The following PPP2R1B variants were observed in gnomAD, a reference collection of about 807,000 sequenced individuals.
PPP2R1B encodes protein phosphatase 2 scaffold subunit Abeta.
In PPP2R1B, 58 loss-of-function variants were observed where a neutral mutation model predicts 72.7. That is an observed-to-expected ratio of 0.80 (90% CI 0.65 to 0.99). PPP2R1B has a LOEUF of 0.99. Among genes scored for constraint, PPP2R1B ranks in the 50% least tolerant of loss-of-function variants. The probability of loss-of-function intolerance (pLI) is 0.00; values close to 1 mark genes in which losing one functional copy is unlikely to be tolerated. For synonymous variants in PPP2R1B, 256 were observed against 264.6 expected, an observed-to-expected ratio of 0.97 and a Z score of 0.32; for missense variants, 695 against 733.6, an observed-to-expected ratio of 0.95 and a Z score of 0.61.
the PPP2R1B span, among the ~76,000 whole-genome samples, chr11:111,693,543 A>AAGTTGAGAATAAAAT: frequency 6.6e-6 from 1 of 152,218 alleles, no homozygotes; most frequent in Non-Finnish European, 1.5e-5. Context: ...TTCAGGCATT[A>AAGTTGAGAATAAAAT]AGTTGAGAAT....
chr11:111,756,720 T>C (rs1231639004), intron 5 of PPP2R1B, among the ~76,000 whole-genome samples: 1 of 152,088 alleles, frequency 6.6e-6, no homozygotes, highest in Non-Finnish European at 1.5e-5. Flanking sequence ...AACACAGAAA[T>C]TAGAAAAGTA....
chr11:111,711,341 T>C, the PPP2R1B span, among the ~76,000 whole-genome samples: 1 of 152,198 alleles, frequency 6.6e-6, no homozygotes, highest in Admixed American at 6.5e-5. Flanking sequence ...CAGGATGGTC[T>C]CGATCTCCTG....
Position 111,761,036 on chromosome 11 carries a change from G to C in PPP2R1B, c.322C>G (p.Leu108Val), listed in dbSNP as rs112080270. The change falls in exon 4 of 15, where the codon CTG becomes GTG. Residue 108 changes from leucine to valine, a missense_variant. Transcript: ENST00000527614. ...AHCLLPPLENLATVEETVVRD... is the reference protein window; with the variant it reads ...AHCLLPPLENVATVEETVVRD... The stretch of plus-strand genomic sequence containing the variant: ...ACAACAGTCTCTTCCACAGTTGCCA[G>C]ATTTTCCAAAGGAGGCTGAATGGAT... 7 of 1,614,048 alleles carry C rather than the reference G, an allele frequency of 4.3e-6. No homozygotes were observed. Among genetic ancestry groups the C allele is most frequent in the Non-Finnish European group, 5.9e-6 (7 of 1,179,996 alleles).
At chr11:111,711,100 G>A in the PPP2R1B span, among the ~76,000 whole-genome samples, 3 of 151,938 alleles carry the variant, frequency 2.0e-5, no homozygotes, top group Non-Finnish European at 4.4e-5. Context: ...ATTGTCATAA[G>A]GAAAAATTCT....
chr11:111,766,115 C>T (rs904875385), intron 1 of PPP2R1B, 133 bp downstream of exon 1: 2 of 813,386 alleles, frequency 2.5e-6, no homozygotes, highest in Admixed American at 4.4e-5. Flanking sequence ...CATTCCCCGC[C>T]TCCCCTTCAA....
At chr11:111,764,988 C>G (rs1945468723) in intron 2 of PPP2R1B, 83 bp from the exon 3 acceptor site, 1 of 1,551,802 alleles carries the variant, frequency 6.4e-7, no homozygotes, top group Non-Finnish European at 8.7e-7. Flanking sequence ...AACAGATTCA[C>G]TATGCGACCA....
Position 111,742,580 on chromosome 11 carries a change from T to C in PPP2R1B, c.1640A>G (p.Asn547Ser). 6.2e-7 allele frequency: 1 copy of C among 1,613,958 alleles called. No homozygotes were observed. ...VLKMAGDQVA[N>S]VRFNVAKSLQ... Reference sequence around the variant, plus strand: ...AGATTTGGCCACATTGAAGCGAACATTTGCTACTTGGTCTCCTGCCATTTT... The same window carrying C: ...AGATTTGGCCACATTGAAGCGAACACTTGCTACTTGGTCTCCTGCCATTTT... Residue 547 changes from asparagine to serine, a missense_variant, in exon 13 of 15, where the codon AAT becomes AGT. By Grantham distance (46) the Asn-to-Ser change is conservative (BLOSUM62 1). Transcript: ENST00000527614.
the PPP2R1B span, among the ~76,000 whole-genome samples, chr11:111,713,973 A>T: frequency 3.5e-4 from 54 of 152,364 alleles, no homozygotes; most frequent in East Asian, 9.6e-4. Context: ...TCTCAAAAAA[A>T]AAATAAATAA....
Position 111,743,548 on chromosome 11 carries a change from A to G in PPP2R1B, c.1400-18T>C. 6.3e-7 allele frequency: 1 copy of G among 1,592,450 alleles called. No individual in the cohort carries two copies. The highest frequency in any genetic ancestry group is 8.5e-7 in the Non-Finnish European group (1 of 1,173,526). On this transcript the variant is annotated intron_variant, in intron 11 of 14. Transcript: ENST00000527614. ...GGCGTATACTGCAGAAGAGGTCAAA[A>G]ACATGTTCTCATATCGCTTATTGTT...
At chr11:111,701,411 C>A in the PPP2R1B span, 1 of 1,594,636 alleles carries the variant, frequency 6.3e-7, no homozygotes, top group Non-Finnish European at 8.6e-7. This position sits in a 1 kb window ranked among gnomAD's most constrained non-coding sequence, Gnocchi z 4.2. Flanking sequence ...GAGTGTTTGA[C>A]GTTCTTGGTA....
Position 111,755,289 on chromosome 11 carries a change from C to T in PPP2R1B, c.843+6G>A. On this transcript the variant is annotated splice_donor_region_variant and intron_variant, in intron 6 of 14. Coordinates refer to ENST00000527614, the MANE Select transcript of PPP2R1B (RefSeq NM_002716.5). ...TTTCCTTAGTACTTAAAAATGATCA[C>T]TTTACCTCTGAAAATCTGTCAGCCA... 6.2e-7 allele frequency: 1 copy of T among 1,602,012 alleles called. No individual in the cohort carries two copies. Among genetic ancestry groups the T allele is most frequent in the Non-Finnish European group, 8.5e-7 (1 of 1,176,254 alleles).
rs1944460344 is a variant in PPP2R1B at position 111,739,833 on chromosome 11, A to G, written c.*1763T>C. 2.1e-6 allele frequency: 2 copies of G among 973,456 alleles called. No individual in the cohort carries two copies. Among genetic ancestry groups the G allele is most frequent in the African/African-American group, 3.5e-5 (2 of 56,966 alleles). 60.3% of individuals were successfully genotyped at this position (973,456 alleles called of 1,614,324 possible). A position where few individuals can be genotyped will look rare whatever the true frequency, so the allele number is the denominator to read the frequency against. On this transcript the variant is annotated 3_prime_UTR_variant, in exon 15 of 15. Coordinates refer to ENST00000527614, the MANE Select transcript of PPP2R1B (RefSeq NM_002716.5). ...AAGATATTAAAATGAGAATATAGAA[A>G]AAGATTTGTGCTTAGGAAAATACTT...
chr11:111,704,385 G>T, the PPP2R1B span, among the ~76,000 whole-genome samples: 6 of 152,212 alleles, frequency 3.9e-5, no homozygotes, highest in African/African-American at 1.2e-4. Context: ...GCAGGCTAGA[G>T]ATGTGAACAT....
chr11:111,726,957 C>G, exon 16 of PPP2R1B: 3 of 1,612,016 alleles, frequency 1.9e-6, no homozygotes, highest in African/African-American at 1.3e-5. Flanking sequence ...TTTTTTAAAT[C>G]TGGGGTATTA....
intron 8 of PPP2R1B, 88 bp from the exon 9 acceptor site, chr11:111,753,665 T>C (rs1489635961): frequency 9.9e-6 from 14 of 1,409,028 alleles, no homozygotes; most frequent in Non-Finnish European, 1.1e-5. Flanking sequence ...CTTGCTCTGT[T>C]GCCCAGGCTG....
the PPP2R1B span, among the ~76,000 whole-genome samples, chr11:111,705,572 G>C: frequency 1.3e-5 from 2 of 152,280 alleles, no homozygotes; most frequent in African/African-American, 4.8e-5. The surrounding 1 kb of genome is among the most constrained non-coding windows in gnomAD (Gnocchi z 4.3). Context: ...AAAGATGAGA[G>C]CTGTAGCAGA....
At chr11:111,717,233 G>A in the PPP2R1B span, among the ~76,000 whole-genome samples, 5 of 142,622 alleles carry the variant, frequency 3.5e-5, no homozygotes, top group East Asian at 8.8e-4. Context: ...GGAGAATGGC[G>A]TGAACCTGGG....
chr11:111,701,093 A>G, the PPP2R1B span: 2 of 1,513,458 alleles, frequency 1.3e-6, no homozygotes, highest in South Asian at 1.3e-5. This position sits in a 1 kb window ranked among gnomAD's most constrained non-coding sequence, Gnocchi z 4.2. Context: ...AGCTCCTGGT[A>G]CTTAACACAT....
At chr11:111,713,679 A>G in the PPP2R1B span, among the ~76,000 whole-genome samples, 1 of 152,212 alleles carries the variant, frequency 6.6e-6, no homozygotes, top group African/African-American at 2.4e-5. Flanking sequence ...GATAAAAGAT[A>G]AAATATGGGC....
Sources: allele counts gnomAD v4.1 joint callset (sites outside exome capture counted in the v4.1 genomes callset), GRCh38; gene constraint gnomAD v4.1.1; non-coding constraint Gnocchi (gnomAD v3.1); transcripts MANE v1.5; gene names NCBI Gene and HGNC (gene_info 2026-07-23, HGNC 2026-07-21).